ZSWIM6: variants seen among roughly 807,000 people sequenced by gnomAD.
ZSWIM6 encodes zinc finger SWIM domain-containing protein 6.
Under a neutral mutation model 113.2 loss-of-function variants are expected in ZSWIM6, and 9 were observed. The observed-to-expected ratio is 0.08, with a 90% CI of 0.05 to 0.14. ZSWIM6 has a LOEUF of 0.14. Ranked by LOEUF, ZSWIM6 falls within the 10% of genes least tolerant of loss-of-function variation. The probability of loss-of-function intolerance (pLI) is 1.00; values close to 1 mark genes in which losing one functional copy is unlikely to be tolerated. For synonymous variants in ZSWIM6, 611 were observed against 606.5 expected (o/e 1.01, Z -0.11); for missense variants, 1,162 against 1,552.2 (o/e 0.75, Z 4.22).
Position 61,472,378 on chromosome 5 carries a change from C to G in ZSWIM6, c.677-303C>G, listed in dbSNP as rs1747593401. Among the ~76,000 whole-genome samples, 2 of 152,082 alleles carry G rather than the reference C, an allele frequency of 1.3e-5. No individual in the cohort carries two copies. The highest frequency in any genetic ancestry group is 4.8e-5 in the African/African-American group (2 of 41,386). On this transcript the variant is annotated intron_variant, in intron 1 of 13. Transcript: ENST00000252744. The surrounding 1 kb of genome is among the most constrained non-coding windows in gnomAD (Gnocchi z 4.1). ...CTGATTCAGAGCAGAGTAATGATGG[C>G]CTCTTAGTGCGTGATCTAACCACTT...
chr5:61,510,375 T>G (rs571392709), intron 4 of ZSWIM6, among the ~76,000 whole-genome samples: 1 of 152,144 alleles, frequency 6.6e-6, no homozygotes, highest in Non-Finnish European at 1.5e-5. Flanking sequence ...CCAAATGGCT[T>G]GCCATGACTA....
At chr5:61,377,943 AAATT>A (rs1263065624) in intron 1 of ZSWIM6, among the ~76,000 whole-genome samples, 6 of 152,226 alleles carry the variant, frequency 3.9e-5, no homozygotes, top group Non-Finnish European at 5.9e-5. Flanking sequence ...AGAGAAATGA[AAATT>A]AAAACTACAC....
At position 61,332,828 on chromosome 5, in the gene ZSWIM6, G is replaced by T. The variant is rs1296722699; in HGVS notation, c.556G>T (p.Ala186Ser). 11 of 982,822 alleles carry T rather than the reference G, an allele frequency of 1.1e-5. No homozygotes were observed. Among genetic ancestry groups the T allele is most frequent in the Admixed American group, 6.2e-5 (1 of 16,190 alleles). 60.9% of individuals were successfully genotyped at this position (982,822 alleles called of 1,614,324 possible). A position where few individuals can be genotyped will look rare whatever the true frequency, so the allele number is the denominator to read the frequency against. ...AAAAAAAAAG[A>S]GAPSVGAAGA... The stretch of plus-strand genomic sequence containing the variant: ...CGCCGCCGCCGCCGCCGCCGCGGGG[G>T]CCGGGGCCCCGTCGGTGGGGGCTGC... The change falls in exon 1 of 14, where the codon GCC (alanine) becomes TCC (serine). Residue 186 changes from alanine (A) to serine (S), a missense_variant. By Grantham distance (99) the Ala-to-Ser change is moderately conservative. This residue lies in a region of ZSWIM6 where 333 missense variants were observed against 293.4 expected (regional missense o/e 1.13). Coordinates refer to ENST00000252744, the MANE Select transcript of ZSWIM6 (RefSeq NM_020928.2).
intron 1 of ZSWIM6, among the ~76,000 whole-genome samples, chr5:61,422,404 C>A (rs1389041999): frequency 6.6e-6 from 1 of 152,162 alleles, no homozygotes; most frequent in Non-Finnish European, 1.5e-5. Flanking sequence ...TCTGGGTTCT[C>A]TGTTCTATTC....
intron 1 of ZSWIM6, among the ~76,000 whole-genome samples, chr5:61,373,323 G>A (rs1745304156): frequency 6.6e-6 from 1 of 151,610 alleles, no homozygotes; most frequent in Non-Finnish European, 1.5e-5. Flanking sequence ...TTTTTGGAGG[G>A]GGAATATTAG....
chr5:61,445,332 T>A (rs1222034069), intron 1 of ZSWIM6, among the ~76,000 whole-genome samples: 1 of 152,178 alleles, frequency 6.6e-6, no homozygotes, highest in Non-Finnish European at 1.5e-5. Context: ...CAATAATTTC[T>A]TTTCAGCTAT....
chr5:61,515,841 G>T (rs530837388), intron 4 of ZSWIM6, among the ~76,000 whole-genome samples: 14 of 152,176 alleles, frequency 9.2e-5, no homozygotes, highest in Admixed American at 6.5e-4. Context: ...AAGTCTTATT[G>T]TGAGGTGCAG....
At chr5:61,464,154 G>A (rs999448534) in intron 1 of ZSWIM6, among the ~76,000 whole-genome samples, 1 of 112,732 alleles carries the variant, frequency 8.9e-6, no homozygotes, top group Non-Finnish European at 1.8e-5. Flanking sequence ...AACACACCCG[G>A]CTAATTTTTT....
At chr5:61,372,412 T>C (rs961472999) in intron 1 of ZSWIM6, among the ~76,000 whole-genome samples, 1 of 152,184 alleles carries the variant, frequency 6.6e-6, no homozygotes, top group Admixed American at 6.5e-5. Context: ...AAGATGCCAG[T>C]GTTGCTAAAT....
intron 1 of ZSWIM6, among the ~76,000 whole-genome samples, chr5:61,367,964 A>C (rs1443314651): frequency 6.6e-6 from 1 of 152,116 alleles, no homozygotes; most frequent in Non-Finnish European, 1.5e-5. Flanking sequence ...CTCTACAAAA[A>C]ATTAAAAAAA....
chr5:61,466,781 CT>C (rs34038890), intron 1 of ZSWIM6, among the ~76,000 whole-genome samples: 2,488 of 151,898 alleles, frequency 0.016, 28 homozygotes, highest in Non-Finnish European at 0.026. Flanking sequence ...TTTAAAATCC[CT>C]TTTTTTTCAG....
intron 1 of ZSWIM6, among the ~76,000 whole-genome samples, chr5:61,460,298 C>T (rs1003338361): frequency 2.0e-5 from 3 of 152,108 alleles, no homozygotes; most frequent in African/African-American, 7.2e-5. Context: ...ACTGCTTATA[C>T]TGAATTATGG....
chr5:61,544,246 A>G lies in ZSWIM6; in HGVS notation c.3577A>G (p.Ile1193Val). The G allele has an allele frequency of 1.3e-6, 2 of 1,549,264 alleles. No homozygotes were observed. The highest frequency in any genetic ancestry group is 1.7e-6 in the Non-Finnish European group (2 of 1,146,716). ...TGGACACATTCAGTTTACACAGTTTATTGACAACCTGAAACAAATCTACAA... is the reference window on the plus strand; with the variant it reads ...TGGACACATTCAGTTTACACAGTTTGTTGACAACCTGAAACAAATCTACAA... ...HDGHIQFTQF[I>V]DNLKQIYKGK... is the part of the protein sequence containing the mutation. Residue 1193 changes from isoleucine to valine, a missense_variant, in exon 14 of 14, where the codon ATT (isoleucine) becomes GTT (valine). Around this residue, in one of 4 missense-constraint regions of ZSWIM6, gnomAD observed 113 missense variants for 213.8 expected, o/e 0.53. Transcript: ENST00000252744.
intron 1 of ZSWIM6, among the ~76,000 whole-genome samples, chr5:61,382,816 A>AG (rs1554032086): frequency 2.0e-5 from 3 of 150,128 alleles, no homozygotes; most frequent in South Asian, 2.1e-4. Flanking sequence ...AAATAAAAAA[A>AG]AAAGAAAGAA....
intron 2 of ZSWIM6, among the ~76,000 whole-genome samples, chr5:61,478,174 T>C (rs1747756878): frequency 6.6e-6 from 1 of 152,204 alleles, no homozygotes; most frequent in Non-Finnish European, 1.5e-5. Flanking sequence ...CTCCTGATGG[T>C]CTATATAATT....
chr5:61,473,196 C>A (rs1747616854), intron 2 of ZSWIM6, among the ~76,000 whole-genome samples, 159 bp downstream of exon 2: 1 of 152,144 alleles, frequency 6.6e-6, no homozygotes, highest in Non-Finnish European at 1.5e-5. Context: ...TAAAACATTT[C>A]TTTTGAAGTG....
chr5:61,526,172 A>G, intron 6 of ZSWIM6, 78 bp from the exon 7 acceptor site: 1 of 1,470,806 alleles, frequency 6.8e-7, no homozygotes, highest in Non-Finnish European at 9.0e-7. Context: ...ATTTTGGGAG[A>G]AACATCTTAC....
At chr5:61,396,859 T>C (rs1016155690) in intron 1 of ZSWIM6, among the ~76,000 whole-genome samples, 3 of 152,246 alleles carry the variant, frequency 2.0e-5, no homozygotes, top group Non-Finnish European at 4.4e-5. Flanking sequence ...ATCCGTCTAA[T>C]GTCTTCCAAA....
chr5:61,378,014 G>A (rs1227250299), intron 1 of ZSWIM6, among the ~76,000 whole-genome samples: 1 of 152,210 alleles, frequency 6.6e-6, no homozygotes, highest in Non-Finnish European at 1.5e-5. Flanking sequence ...TTAGCAAATT[G>A]TTAGCCTGAA....
Sources: gnomAD v4.1 joint callset for allele counts (sites outside exome capture counted in the v4.1 genomes callset) on GRCh38, gnomAD v4.1.1 for gene constraint, gnomAD v4.1.1 regional missense constraint, Gnocchi (gnomAD v3.1) non-coding constraint, MANE v1.5 for transcripts, NCBI Gene and HGNC (gene_info 2026-07-23, HGNC 2026-07-21) for gene names.